PRH1: variants seen among roughly 807,000 people sequenced by gnomAD.
PRH1 encodes the protein proline rich protein HaeIII subfamily 1.
PRH1 carries 7 observed loss-of-function variants against 7.9 expected under a neutral mutation model. The ratio of observed to expected loss-of-function variants is 0.89; its 90% CI spans 0.50 to 1.67. PRH1 has a LOEUF of 1.67. PRH1 is among the 40% of genes most tolerant of loss of function. The pLI is 0.00. For synonymous variants in PRH1, 45 were observed against 80.8 expected, an observed-to-expected ratio of 0.56 and a Z score of 2.38; for missense variants, 109 against 223.6, an observed-to-expected ratio of 0.49 and a Z score of 3.27.
intron 2 of PRH1, chr12:10,908,153 AT>A (rs1949833335): frequency 2.3e-6 from 1 of 441,814 alleles, no homozygotes; most frequent in Non-Finnish European, 4.0e-6. Context: ...TCTGCCAATA[AT>A]TTCCTCAAAT....
At chr12:11,143,243 G>A (rs1351697491) in intron 1 of PRH1, among the ~76,000 whole-genome samples, 1 of 152,158 alleles carries the variant, frequency 6.6e-6, no homozygotes, top group African/African-American at 2.4e-5. Flanking sequence ...TTTAGTGTTT[G>A]TGCTTGTTTG....
chr12:10,965,860 T>A (rs1938474985), intron 2 of PRH1, among the ~76,000 whole-genome samples: 1 of 152,326 alleles, frequency 6.6e-6, no homozygotes, highest in South Asian at 2.1e-4. Flanking sequence ...TATGCTAGAT[T>A]TAAATAGACA....
At chr12:10,902,751 T>A (rs2097854575) in intron 2 of PRH1, among the ~76,000 whole-genome samples, 1 of 152,124 alleles carries the variant, frequency 6.6e-6, no homozygotes, top group Non-Finnish European at 1.5e-5. Context: ...TTCCAACCAA[T>A]AATTGTATAT....
intron 1 of PRH1, among the ~76,000 whole-genome samples, chr12:11,067,762 C>G (rs1375955817): frequency 1.3e-5 from 2 of 152,186 alleles, no homozygotes; most frequent in Non-Finnish European, 2.9e-5. Flanking sequence ...ACTCTGGAAG[C>G]TGAGATGGGA....
rs1950066104 is a variant in PRH1 at position 10,922,825 on chromosome 12, C to CCTTTTTTTTTT, written c.-58-38551_-58-38550insAAAAAAAAAAG. Reference sequence around the variant, plus strand: ...ATTGCATCTTTTCCATGAATTTTTTCTTTTTCTTTTTTTTGAGACGGAGTC... The same window carrying CCTTTTTTTTTT: ...ATTGCATCTTTTCCATGAATTTTTTCCTTTTTTTTTTTTTTTCTTTTTTTTGAGACGGAGTC... On this transcript the variant is annotated intron_variant, in intron 2 of 3. Transcript: ENST00000539853. 3.5e-5 allele frequency among the ~76,000 whole-genome samples: 4 copies of CCTTTTTTTTTT among 113,576 alleles called. No homozygotes were observed. The South Asian group carries it at 1.3e-3, about 38-fold the overall frequency. The allele number at this position is 113,576 out of a possible 152,430, so 74.5% of individuals were successfully genotyped here. A position where few individuals can be genotyped will look rare whatever the true frequency, so the allele number is the denominator to read the frequency against.
intron 1 of PRH1, among the ~76,000 whole-genome samples, chr12:11,125,598 CAT>C (rs1434370690): frequency 1.8e-3 from 268 of 151,946 alleles, no homozygotes; most frequent in Admixed American, 2.5e-3. Flanking sequence ...TTTCCTCACA[CAT>C]GTGTACACAT....
intron 2 of PRH1, among the ~76,000 whole-genome samples, chr12:10,889,509 T>C (rs990808793): frequency 2.0e-5 from 3 of 152,232 alleles, no homozygotes; most frequent in African/African-American, 7.2e-5. Flanking sequence ...GGTTGTATTC[T>C]GGTTGGGATT....
At chr12:11,042,698 C>A (rs1211087589) in intron 1 of PRH1, among the ~76,000 whole-genome samples, 1 of 142,266 alleles carries the variant, frequency 7.0e-6, no homozygotes, top group African/African-American at 2.6e-5. Context: ...GGCATGCTCT[C>A]CACTCACTGC....
intron 1 of PRH1, among the ~76,000 whole-genome samples, chr12:11,150,214 T>C (rs980917896): frequency 6.6e-6 from 1 of 151,220 alleles, no homozygotes; most frequent in Admixed American, 6.6e-5. Flanking sequence ...ACTTTTACAC[T>C]GTTGGTGGGA....
At chr12:11,022,419 C>T in intron 1 of PRH1, 1 of 1,614,112 alleles carries the variant, frequency 6.2e-7, no homozygotes, top group Non-Finnish European at 8.5e-7. Context: ...TGGAGACCAC[C>T]AGAGCAGTGA....
intron 1 of PRH1, among the ~76,000 whole-genome samples, chr12:11,113,070 A>G (rs556427117): frequency 1.2e-4 from 18 of 152,274 alleles, no homozygotes; most frequent in Middle Eastern, 3.4e-3. Context: ...AGAATAAAAT[A>G]CCTAGGAATA....
At chr12:10,953,457 T>C (rs146731818) in intron 2 of PRH1, among the ~76,000 whole-genome samples, 2,308 of 152,252 alleles carry the variant, frequency 0.015, 21 homozygotes, top group South Asian at 0.031. Flanking sequence ...TTCACGAATT[T>C]TGGAATACTA....
At chr12:11,131,189 T>G (rs2136358170) in intron 1 of PRH1, among the ~76,000 whole-genome samples, 1 of 152,294 alleles carries the variant, frequency 6.6e-6, no homozygotes. Flanking sequence ...ACATTCTCCC[T>G]CCTCTCTCTC....
chr12:10,945,872 G>A (rs1320659442), intron 2 of PRH1, among the ~76,000 whole-genome samples: 1 of 152,174 alleles, frequency 6.6e-6, no homozygotes, highest in Non-Finnish European at 1.5e-5. Context: ...TCCTTGCTGA[G>A]AAAAAGAATT....
At chr12:10,968,525 A>G (rs1176906793) in intron 2 of PRH1, among the ~76,000 whole-genome samples, 2 of 152,236 alleles carry the variant, frequency 1.3e-5, no homozygotes, top group Non-Finnish European at 2.9e-5. Context: ...TAATGGGATA[A>G]CACAATTATT....
At chr12:10,898,997 T>C (rs74388946) in intron 2 of PRH1, among the ~76,000 whole-genome samples, 490 of 152,372 alleles carry the variant, frequency 3.2e-3, no homozygotes, top group South Asian at 0.014. Flanking sequence ...GAGATTATTT[T>C]AGAACGTTAA....
In PRH1 at chr12:11,093,303, C is replaced by A. The variant is rs560102961; in HGVS notation, n.124-46115G>T. On this transcript the variant is annotated intron_variant and non_coding_transcript_variant, in intron 1 of 4. Transcript: ENST00000541977. ...AAGGCATCTCAGATTTTCTTGAGAACCACAGGCAGGCCAATCCTCCATAAG... is the reference window on the plus strand; with the variant it reads ...AAGGCATCTCAGATTTTCTTGAGAAACACAGGCAGGCCAATCCTCCATAAG... 4.3e-5 allele frequency among the ~76,000 whole-genome samples: 5 copies of A among 116,230 alleles called. 1 individual carries two copies. In the East Asian group the frequency reaches 1.0e-3, roughly 24 times the overall value. 76.3% of individuals were successfully genotyped at this position (116,230 alleles called of 152,430 possible). A position where few individuals can be genotyped will look rare whatever the true frequency, so the allele number is the denominator to read the frequency against.
At chr12:11,113,149 G>T (rs747569536) in intron 1 of PRH1, among the ~76,000 whole-genome samples, 2 of 151,520 alleles carry the variant, frequency 1.3e-5, no homozygotes, top group African/African-American at 2.4e-5. Context: ...AAATAAGAGA[G>T]GACACAAACA....
rs554068584 is a variant in PRH1, at chr12:11,141,963, T to A, written n.40-20783A>T. On this transcript the variant is annotated intron_variant and non_coding_transcript_variant, in intron 1 of 1. Transcript: ENST00000541175. ...CCAAAACATCCAGATAATTTTTTTT[T>A]ATTTTTTTATAGAGACAAAGAGTCT... Among the ~76,000 whole-genome samples the A allele has an allele frequency of 6.6e-5, 10 of 152,236 alleles. No homozygotes were observed. The East Asian group carries it at 7.7e-4, about 12-fold the overall frequency.
Sources: allele counts gnomAD v4.1 joint callset (sites outside exome capture counted in the v4.1 genomes callset), GRCh38; gene constraint gnomAD v4.1.1; transcripts MANE v1.5; gene names NCBI Gene and HGNC (gene_info 2026-07-23, HGNC 2026-07-21).